The following C4orf50 variants were observed in gnomAD, a reference collection of about 807,000 sequenced individuals.
C4orf50 encodes the protein chromosome 4 open reading frame 50.
Under a neutral mutation model 77.2 loss-of-function variants are expected in C4orf50, and 80 were observed. That is an observed-to-expected ratio of 1.04 (90% CI 0.87 to 1.25). C4orf50 has a LOEUF of 1.25. C4orf50 is among the 50% of genes most tolerant of loss of function. The pLI is 0.00. For synonymous variants in C4orf50, 532 were observed against 465.3 expected (o/e 1.14, Z -1.84); for missense variants, 1,257 against 1,152.9 (o/e 1.09, Z -1.31).
chr4:5,990,423 G>T, exon 28 of C4orf50: 1 of 410,004 alleles, frequency 2.4e-6, no homozygotes, highest in Non-Finnish European at 4.2e-6. Context: ...TCAGATCCTT[G>T]GGGTGTTTTT....
chr4:5,945,606 G>A (rs1718446821), intron 7 of C4orf50, among the ~76,000 whole-genome samples: 2 of 152,178 alleles, frequency 1.3e-5, no homozygotes. Flanking sequence ...ACCTTGGAGA[G>A]GAGGAAACAG....
At chr4:5,938,897 A>G (rs1183874230) in intron 7 of C4orf50, among the ~76,000 whole-genome samples, 4 of 152,072 alleles carry the variant, frequency 2.6e-5, no homozygotes, top group African/African-American at 9.7e-5. Context: ...GTCTCCATCA[A>G]ATAGCTTGCC....
exon 28 of C4orf50, chr4:5,989,094 C>G (rs1255916946): frequency 5.2e-6 from 8 of 1,535,942 alleles, no homozygotes; most frequent in Non-Finnish European, 7.0e-6. Context: ...GAGAGATGTC[C>G]CCTACCAGCC....
At chr4:5,987,733 A>C (rs1240939926) in intron 28 of C4orf50, among the ~76,000 whole-genome samples, 1 of 152,106 alleles carries the variant, frequency 6.6e-6, no homozygotes, top group African/African-American at 2.4e-5. Context: ...AATGAATGCC[A>C]GGGTCTCAAC....
At chr4:5,956,053 T>A (rs554993411), downstream of C4orf50, among the ~76,000 whole-genome samples, 2 of 152,322 alleles carry the variant, frequency 1.3e-5, no homozygotes, top group East Asian at 3.9e-4. Flanking sequence ...AGATACACAG[T>A]CACGCATATA....
chr4:6,005,558 T>C (rs1300919738), intron 25 of C4orf50, among the ~76,000 whole-genome samples: 1 of 152,232 alleles, frequency 6.6e-6, no homozygotes, highest in Non-Finnish European at 1.5e-5. Context: ...GTCACGGCTC[T>C]GCTCTGGCCA....
In C4orf50 at chr4:6,007,993, T is replaced by A; in HGVS notation, c.963+3A>T. 5.0e-6 allele frequency: 2 copies of A among 399,110 alleles called. No homozygotes were observed. Among genetic ancestry groups the A allele is most frequent in the African/African-American group, 4.1e-5 (2 of 48,758 alleles). The allele number at this position is 399,110 out of a possible 1,614,324, so 24.7% of individuals were successfully genotyped here. Reference sequence around the variant, plus strand: ...ATTCCTACCCTGAGTTCCCGCCACTTACCAGGCTGCAGTGACCAATAGGGG... The same window carrying A: ...ATTCCTACCCTGAGTTCCCGCCACTAACCAGGCTGCAGTGACCAATAGGGG... On this transcript the variant is annotated splice_donor_region_variant and intron_variant, in intron 25 of 33. Transcript: ENST00000531445. This position sits in a 1 kb window ranked among gnomAD's most constrained non-coding sequence, Gnocchi z 4.1.
intron 23 of C4orf50, among the ~76,000 whole-genome samples, chr4:6,016,993 C>T (rs1042234020): frequency 2.6e-5 from 4 of 152,110 alleles, no homozygotes; most frequent in East Asian, 1.9e-4. Flanking sequence ...TGCTGGGTTT[C>T]GCTGATCTAT....
intron 25 of C4orf50, among the ~76,000 whole-genome samples, chr4:5,997,611 C>T (rs1201444844): frequency 6.6e-6 from 1 of 152,148 alleles, no homozygotes; most frequent in African/African-American, 2.4e-5. Context: ...AAAACATTTG[C>T]CTGTAACTTA....
intron 7 of C4orf50, among the ~76,000 whole-genome samples, chr4:5,942,111 A>C (rs188015701): frequency 3.5e-4 from 54 of 152,230 alleles, no homozygotes; most frequent in Non-Finnish European, 1.2e-4. Flanking sequence ...AGCTTTAGGG[A>C]GAGGTAGCAG....
At chr4:5,930,745 T>C (rs1717730433) in intron 7 of C4orf50, among the ~76,000 whole-genome samples, 1 of 152,180 alleles carries the variant, frequency 6.6e-6, no homozygotes, top group Non-Finnish European at 1.5e-5. Flanking sequence ...GTTTACAGTG[T>C]TGCACTCAAC....
chr4:5,964,884 G>A, intron 33 of C4orf50, 140 bp downstream of exon 11: 1 of 659,572 alleles, frequency 1.5e-6, no homozygotes. Flanking sequence ...GGGCTGTTCG[G>A]GAGTCGATTG....
At position 5,947,874 on chromosome 4, in the gene C4orf50, G is replaced by A. The variant is rs556954651; in HGVS notation, c.*2474+9027C>T. 2.0e-5 allele frequency among the ~76,000 whole-genome samples: 3 copies of A among 152,280 alleles called. No individual in the cohort carries two copies. In the South Asian group the frequency reaches 6.2e-4, roughly 32 times the overall value. On this transcript the variant is annotated intron_variant, in intron 7 of 7. Coordinates refer to the C4orf50 transcript ENST00000324058. ...CTAAACTTAGAAAGTCTAAAAGTGG[G>A]AGCTGTCAGCCCAGCCCCCAGGGTC...
At chr4:5,986,573 C>G (rs945929610) in intron 28 of C4orf50, among the ~76,000 whole-genome samples, 2 of 144,560 alleles carry the variant, frequency 1.4e-5, no homozygotes, top group African/African-American at 5.2e-5. Flanking sequence ...GAGTCTTGCT[C>G]TGTTGCCCAG....
chr4:5,986,977 G>A (rs183660966), intron 28 of C4orf50, among the ~76,000 whole-genome samples: 7 of 152,304 alleles, frequency 4.6e-5, no homozygotes, highest in African/African-American at 1.2e-4. Context: ...ATCTCAAAAT[G>A]TGTGGGATGC....
At chr4:5,975,139 C>CAAAAAAAAAAAAAAA (rs763836859) in intron 30 of C4orf50, among the ~76,000 whole-genome samples, 2 of 82,872 alleles carry the variant, frequency 2.4e-5, no homozygotes, top group African/African-American at 8.2e-5. Flanking sequence ...CACTCCATCT[C>CAAAAAAAAAAAAAAA]AAAAAAAAAA....
exon 28 of C4orf50, chr4:5,988,417 T>C (rs1721002085): frequency 6.2e-7 from 1 of 1,611,448 alleles, no homozygotes; most frequent in Non-Finnish European, 8.5e-7. Flanking sequence ...CTTCTCCTCT[T>C]TCTCCAAATG....
At chr4:5,967,331 C>T in intron 32 of C4orf50, 83 bp downstream of exon 10, 1 of 1,101,754 alleles carries the variant, frequency 9.1e-7, no homozygotes, top group Admixed American at 1.7e-5. Context: ...GGCATCTCCC[C>T]TCTGGCCCAC....
intron 25 of C4orf50, among the ~76,000 whole-genome samples, chr4:6,002,757 C>T (rs994795123): frequency 6.6e-6 from 1 of 152,216 alleles, no homozygotes; most frequent in Non-Finnish European, 1.5e-5. Context: ...GCACCCACCG[C>T]TGCCTCTGGG....
Sources: allele counts gnomAD v4.1 joint callset (sites outside exome capture counted in the v4.1 genomes callset), GRCh38; gene constraint gnomAD v4.1.1; non-coding constraint Gnocchi (gnomAD v3.1); transcripts MANE v1.5; gene names NCBI Gene and HGNC (gene_info 2026-07-23, HGNC 2026-07-21).